FRAS1: variants seen among roughly 807,000 people sequenced by gnomAD.
The protein encoded by FRAS1 is Fraser extracellular matrix complex subunit 1.
In FRAS1, 290 loss-of-function variants were observed where a neutral mutation model predicts 435.2. The observed-to-expected ratio is 0.67, with a 90% CI of 0.61 to 0.73. FRAS1 has a LOEUF of 0.73. Among genes scored for constraint, FRAS1 ranks in the 30% least tolerant of loss-of-function variants. The probability of loss-of-function intolerance (pLI) is 0.00; values close to 1 mark genes in which losing one functional copy is unlikely to be tolerated. For synonymous variants in FRAS1, 1,800 were observed against 1,851.0 expected (o/e 0.97, Z 0.71); for missense variants, 4,860 against 5,001.5 (o/e 0.97, Z 0.85).
chr4:78,223,100 C>G (rs529620849), intron 2 of FRAS1, among the ~76,000 whole-genome samples: 1 of 152,252 alleles, frequency 6.6e-6, no homozygotes, highest in African/African-American at 2.4e-5. Context: ...GAGAATACAA[C>G]CGGTGTGTAT....
chr4:78,120,017 T>C (rs1180109572), intron 2 of FRAS1, among the ~76,000 whole-genome samples: 1 of 152,206 alleles, frequency 6.6e-6, no homozygotes, highest in African/African-American at 2.4e-5. Flanking sequence ...ATATGTCTCT[T>C]TGTTTGCTCC....
At chr4:78,135,597 G>A (rs1719886314) in intron 2 of FRAS1, among the ~76,000 whole-genome samples, 2 of 152,194 alleles carry the variant, frequency 1.3e-5, no homozygotes, top group African/African-American at 4.8e-5. Flanking sequence ...AGGAGTCTAG[G>A]TCATGTGCAA....
chr4:78,515,067 CA>C (rs34507669), intron 65 of FRAS1, among the ~76,000 whole-genome samples: 7 of 136,512 alleles, frequency 5.1e-5, no homozygotes, highest in African/African-American at 5.5e-5. Flanking sequence ...GACTCCATCT[CA>C]AAAAAAAAAA....
At chr4:78,468,535 T>G (rs1323374553) in intron 50 of FRAS1, among the ~76,000 whole-genome samples, 2 of 117,750 alleles carry the variant, frequency 1.7e-5, no homozygotes, top group Non-Finnish European at 4.1e-5. Flanking sequence ...AGAACCAGCT[T>G]GTGAAACCAG....
At chr4:78,168,655 T>C (rs1445043622) in intron 2 of FRAS1, among the ~76,000 whole-genome samples, 9 of 152,094 alleles carry the variant, frequency 5.9e-5, no homozygotes, top group Non-Finnish European at 1.3e-4. Context: ...TTTTAGTTTT[T>C]CTTAAAATAT....
chr4:78,539,492 T>TTA, intron 73 of FRAS1, 52 bp downstream of exon 73: 6 of 1,305,334 alleles, frequency 4.6e-6, no homozygotes, highest in Non-Finnish European at 6.2e-6. Flanking sequence ...CTTTAAAGCT[T>TTA]GAAAAAAAAA....
At chr4:78,415,582 G>A (rs1482127817) in intron 32 of FRAS1, among the ~76,000 whole-genome samples, 1 of 152,112 alleles carries the variant, frequency 6.6e-6, no homozygotes, top group Non-Finnish European at 1.5e-5. Flanking sequence ...GTCTTGAGGA[G>A]CAACAGGTGA....
At chr4:78,421,016 G>T (rs1441875073) in intron 33 of FRAS1, among the ~76,000 whole-genome samples, 2 of 151,048 alleles carry the variant, frequency 1.3e-5, no homozygotes, top group East Asian at 3.9e-4. Flanking sequence ...CAGGCAGTTT[G>T]ACTCCCAAAA....
chr4:78,181,910 A>T, intron 2 of FRAS1: 1 of 1,610,696 alleles, frequency 6.2e-7, no homozygotes, highest in Non-Finnish European at 8.5e-7. Context: ...AGGGCCCCCA[A>T]CGCCACCCCT....
intron 2 of FRAS1, among the ~76,000 whole-genome samples, chr4:78,217,600 A>G (rs769699892): frequency 6.6e-6 from 1 of 152,016 alleles, no homozygotes; most frequent in Non-Finnish European, 1.5e-5. Context: ...GCTTATACCT[A>G]TTTTTATTTT....
intron 2 of FRAS1, among the ~76,000 whole-genome samples, chr4:78,228,826 C>T (rs566710222): frequency 6.6e-6 from 1 of 152,192 alleles, no homozygotes; most frequent in Non-Finnish European, 1.5e-5. Flanking sequence ...AAGGACAAGT[C>T]ACTGTGGTAA....
chr4:78,202,145 C>T (rs533262961), intron 2 of FRAS1, among the ~76,000 whole-genome samples: 3 of 152,162 alleles, frequency 2.0e-5, no homozygotes, highest in Non-Finnish European at 4.4e-5. Context: ...TATCCAGCCC[C>T]AAATGTCAAT....
rs1000910740 is a variant in FRAS1 at position 78,519,926 on chromosome 4, T to C, written c.10540+445T>C. Among the ~76,000 whole-genome samples the C allele has an allele frequency of 5.9e-5, 9 of 152,286 alleles. 1 individual carries two copies. The highest frequency in any genetic ancestry group is 3.9e-4 in the East Asian group (2 of 5,194). On this transcript the variant is annotated intron_variant, in intron 67 of 73. Transcript: ENST00000512123. ...TATGTCAAGTAGCCCACTTTATTCA[T>C]TTGGCAAAGAGTCTGCTCTTTAATT...
At chr4:78,337,928 G>C (rs1430450430) in intron 20 of FRAS1, 111 bp downstream of exon 20, 2 of 1,039,812 alleles carry the variant, frequency 1.9e-6, no homozygotes, top group East Asian at 2.6e-5. Flanking sequence ...TTTTATAGGA[G>C]ACATTTGTTT....
chr4:78,230,068 CTG>C, intron 2 of FRAS1, among the ~76,000 whole-genome samples: 1 of 152,328 alleles, frequency 6.6e-6, no homozygotes, highest in African/African-American at 2.4e-5. Context: ...ATCTTTTCAT[CTG>C]TGATTCATGC....
chr4:78,236,232 T>A (rs1454899), intron 2 of FRAS1, among the ~76,000 whole-genome samples: 44,076 of 152,014 alleles, frequency 0.29, 6,854 homozygotes, highest in East Asian at 0.37. Flanking sequence ...GAGGATCAGA[T>A]TATGGGGTCT....
chr4:78,116,824 A>C (rs1743222838), intron 2 of FRAS1, among the ~76,000 whole-genome samples: 1 of 152,184 alleles, frequency 6.6e-6, no homozygotes, highest in Admixed American at 6.5e-5. Context: ...CACTTAGCCC[A>C]TTTACATTTA....
chr4:78,470,113 T>A (rs879649973), intron 51 of FRAS1, 22 bp downstream of exon 51: 4 of 1,497,300 alleles, frequency 2.7e-6, no homozygotes, highest in Non-Finnish European at 3.7e-6. Context: ...CCCTCTGTCA[T>A]GTTCACACCA....
At chr4:78,364,692 G>C (rs1451996078) in intron 22 of FRAS1, among the ~76,000 whole-genome samples, 1 of 152,204 alleles carries the variant, frequency 6.6e-6, no homozygotes, top group Non-Finnish European at 1.5e-5. Flanking sequence ...AAAAAATTAA[G>C]ATATACTTCA....
Sources: gnomAD v4.1 joint callset for allele counts (sites outside exome capture counted in the v4.1 genomes callset) on GRCh38, gnomAD v4.1.1 for gene constraint, MANE v1.5 for transcripts, NCBI Gene and HGNC (gene_info 2026-07-23, HGNC 2026-07-21) for gene names.